The following FRMD3 variants were observed in gnomAD, a reference collection of about 807,000 sequenced individuals.
FRMD3 encodes FERM domain containing 3.
A neutral mutation model predicts 70.2 loss-of-function variants in FRMD3; 33 were observed. That is an observed-to-expected ratio of 0.47 (90% CI 0.36 to 0.63). FRMD3 has a LOEUF of 0.63. FRMD3 is among the 20% of genes least tolerant of loss of function. The probability of loss-of-function intolerance (pLI) is 0.00; values close to 1 mark genes in which losing one functional copy is unlikely to be tolerated. For missense variants in FRMD3, 632 were observed against 711.4 expected (o/e 0.89, Z 1.27); for synonymous variants, 279 against 255.9 (o/e 1.09, Z -0.86).
rs529699219 is a variant in FRMD3 at position 83,528,898 on chromosome 9, T to C, written c.147+9187A>G. Among the ~76,000 whole-genome samples the C allele has an allele frequency of 8.5e-5, 13 of 152,298 alleles. No individual in the cohort carries two copies. The South Asian group carries it at 2.5e-3, about 29-fold the overall frequency. ...CTGTAAAACCTTTGTTTATATTATA[T>C]ATAGACAGAATTATTTAAAATATTC... is the stretch of plus-strand genomic sequence containing the variant. On this transcript the variant is annotated intron_variant, in intron 1 of 13. Coordinates refer to ENST00000304195, the MANE Select transcript of FRMD3 (RefSeq NM_174938.6).
chr9:83,401,804 G>C (rs535815618), intron 1 of FRMD3, among the ~76,000 whole-genome samples: 167 of 152,254 alleles, frequency 1.1e-3, no homozygotes, highest in African/African-American at 3.9e-3. Context: ...TACATATCTT[G>C]CCTAACTTCA....
chr9:83,296,657 C>G (rs1344185793), intron 12 of FRMD3, among the ~76,000 whole-genome samples: 1 of 152,156 alleles, frequency 6.6e-6, no homozygotes, highest in African/African-American at 2.4e-5. Flanking sequence ...CAAAGCAGGT[C>G]TCAAGGGCCC....
At chr9:83,436,782 A>G (rs1157653748) in intron 1 of FRMD3, among the ~76,000 whole-genome samples, 25 of 11,382 alleles carry the variant, frequency 2.2e-3, no homozygotes, top group South Asian at 9.3e-3. Flanking sequence ...GACCAAGGGG[A>G]AAAAAAAAAA....
intron 7 of FRMD3, among the ~76,000 whole-genome samples, chr9:83,312,291 G>A (rs1835391666): frequency 6.6e-6 from 1 of 152,168 alleles, no homozygotes; most frequent in South Asian, 2.1e-4. Context: ...CTGTGTTCTA[G>A]GTCTGCTTTG....
In FRMD3 at chr9:83,363,810, TC is replaced by T. The variant is rs1457162513; in HGVS notation, c.295+9102del. 2.0e-5 allele frequency among the ~76,000 whole-genome samples: 3 copies of T among 152,274 alleles called. No homozygotes were observed. In the South Asian group the frequency reaches 6.2e-4, roughly 32 times the overall value. On this transcript the variant is annotated intron_variant, in intron 3 of 13. Transcript: ENST00000304195. ...ACCTCGTGATCCGCCCACCTTGGCC[TC>T]CCAAAGTACTGGGATTACAGGCGTG... is the stretch of plus-strand genomic sequence containing the variant.
At chr9:83,485,203 A>G (rs3860931) in intron 1 of FRMD3, among the ~76,000 whole-genome samples, 108,024 of 152,134 alleles carry the variant, frequency 0.71, 38,999 homozygotes, top group African/African-American at 0.84. Context: ...GCTCCCTGGT[A>G]TGTAGAATTC....
Position 83,363,933 on chromosome 9 carries a change from C to T in FRMD3, c.295+8980G>A, listed in dbSNP as rs150506729. Among the ~76,000 whole-genome samples the T allele has an allele frequency of 7.5e-3, 1,136 of 152,270 alleles. 17 individuals carry two copies. Among genetic ancestry groups the T allele is most frequent in the African/African-American group, 0.025 (1,020 of 41,542 alleles). On this transcript the variant is annotated intron_variant, in intron 3 of 13. Transcript: ENST00000304195. Reference sequence around the variant, plus strand: ...GCTTTATCAGTTTACACACTCTCACCAGAAGTGTTATCCTCATCCTCATCA... The same window carrying T: ...GCTTTATCAGTTTACACACTCTCACTAGAAGTGTTATCCTCATCCTCATCA...
At chr9:83,277,976 G>A (rs1270113030) in intron 13 of FRMD3, among the ~76,000 whole-genome samples, 1 of 152,196 alleles carries the variant, frequency 6.6e-6, no homozygotes. Context: ...AGACAAACAA[G>A]TGAGACAGTG....
At chr9:83,275,767 G>A (rs977258865) in intron 13 of FRMD3, among the ~76,000 whole-genome samples, 1 of 152,150 alleles carries the variant, frequency 6.6e-6, no homozygotes, top group Non-Finnish European at 1.5e-5. Context: ...AATACCTATG[G>A]TTTACTCCAA....
intron 1 of FRMD3, among the ~76,000 whole-genome samples, chr9:83,410,866 C>A (rs1392716031): frequency 6.6e-6 from 1 of 152,186 alleles, no homozygotes; most frequent in Non-Finnish European, 1.5e-5. Flanking sequence ...TGCTCTGACT[C>A]GTCCCGGCTC....
chr9:83,347,671 C>G (rs1824007281), intron 4 of FRMD3, among the ~76,000 whole-genome samples: 1 of 152,140 alleles, frequency 6.6e-6, no homozygotes, highest in Non-Finnish European at 1.5e-5. Context: ...TAAGCATGGT[C>G]ATGAATATGA....
At chr9:83,499,406 T>C (rs759457756) in intron 1 of FRMD3, among the ~76,000 whole-genome samples, 9 of 152,166 alleles carry the variant, frequency 5.9e-5, no homozygotes, top group Non-Finnish European at 1.2e-4. Context: ...ACTGAAAACA[T>C]CTAACTTAAT....
intron 1 of FRMD3, among the ~76,000 whole-genome samples, chr9:83,430,091 C>T (rs1353164355): frequency 5.3e-5 from 8 of 152,192 alleles, no homozygotes; most frequent in African/African-American, 1.7e-4. Flanking sequence ...ATACATAATG[C>T]TTGAATCAAG....
the FRMD3 span, among the ~76,000 whole-genome samples, chr9:83,572,181 A>ATG: frequency 1.3e-5 from 2 of 150,990 alleles, no homozygotes; most frequent in African/African-American, 2.4e-5. Flanking sequence ...GTGCATGCGC[A>ATG]TGTGTGTGTG....
the FRMD3 span, among the ~76,000 whole-genome samples, chr9:83,554,606 T>C: frequency 2.0e-5 from 3 of 152,142 alleles, no homozygotes; most frequent in East Asian, 5.8e-4. Flanking sequence ...TCTTCTTGGG[T>C]CGATTGCAGC....
chr9:83,396,282 G>A (rs1324093451), intron 1 of FRMD3, among the ~76,000 whole-genome samples: 1 of 152,186 alleles, frequency 6.6e-6, no homozygotes, highest in African/African-American at 2.4e-5. Flanking sequence ...GGAGCACTGG[G>A]TTACCCACAA....
At chr9:83,376,507 T>C (rs568242730) in intron 2 of FRMD3, among the ~76,000 whole-genome samples, 1 of 152,202 alleles carries the variant, frequency 6.6e-6, no homozygotes, top group South Asian at 2.1e-4. Flanking sequence ...AATTGTGCAC[T>C]AAGTCACCCC....
the FRMD3 span, among the ~76,000 whole-genome samples, chr9:83,577,829 C>G: frequency 6.6e-6 from 1 of 151,344 alleles, no homozygotes; most frequent in African/African-American, 2.4e-5. Context: ...AAGGAAATAA[C>G]AAAGATCAGA....
intron 10 of FRMD3, among the ~76,000 whole-genome samples, chr9:83,300,240 C>T (rs1834853509): frequency 6.6e-6 from 1 of 152,190 alleles, no homozygotes; most frequent in African/African-American, 2.4e-5. Context: ...AAGAAAGACA[C>T]ATGGCTGATC....
Sources: allele counts gnomAD v4.1 joint callset (sites outside exome capture counted in the v4.1 genomes callset), GRCh38; gene constraint gnomAD v4.1.1; transcripts MANE v1.5; gene names NCBI Gene and HGNC (gene_info 2026-07-23, HGNC 2026-07-21).